GTF2F1: variants seen among roughly 807,000 people sequenced by gnomAD.
The protein encoded by GTF2F1 is general transcription factor IIF subunit 1.
In GTF2F1, 39 loss-of-function variants were observed where a neutral mutation model predicts 63.5. The observed-to-expected ratio is 0.61, with a 90% CI of 0.48 to 0.80. GTF2F1 has a LOEUF of 0.80. Ranked by LOEUF, GTF2F1 falls within the 30% of genes least tolerant of loss-of-function variation. The pLI is 0.00. For missense variants in GTF2F1, 657 were observed against 718.3 expected, an observed-to-expected ratio of 0.91 and a Z score of 0.97; for synonymous variants, 287 against 285.3, an observed-to-expected ratio of 1.01 and a Z score of -0.06.
Position 6,381,487 on chromosome 19 carries a change from G to C in GTF2F1, c.899-9C>G. On this transcript the variant is annotated splice_polypyrimidine_tract_variant and intron_variant, in intron 8 of 12. Coordinates refer to ENST00000394456, the MANE Select transcript of GTF2F1 (RefSeq NM_002096.3). This position sits in a 1 kb window ranked among gnomAD's most constrained non-coding sequence, Gnocchi z 4.1. ...GCTCTGCTCATCGACACCTGGGAGG[G>C]GCAGGGTATGAGCAAGAGCAGGGAA... 6.2e-7 allele frequency: 1 copy of C among 1,607,848 alleles called. No homozygotes were observed. The highest frequency in any genetic ancestry group is 8.5e-7 in the Non-Finnish European group (1 of 1,179,336).
At chr19:6,385,389 CTG>C (rs1291985590) in intron 5 of GTF2F1, among the ~76,000 whole-genome samples, 4 of 92,664 alleles carry the variant, frequency 4.3e-5, no homozygotes, top group Admixed American at 1.5e-4. Flanking sequence ...GACAGTGAGA[CTG>C]TCTCAAAAAA....
At chr19:6,389,379 G>A (rs2091987109) in intron 4 of GTF2F1, 65 bp downstream of exon 4, 7 of 1,465,050 alleles carry the variant, frequency 4.8e-6, no homozygotes, top group African/African-American at 1.4e-5. Context: ...CACAAAGTAT[G>A]TAAGTTGAGG....
At chr19:6,387,969 A>C (rs1042131285) in intron 4 of GTF2F1, among the ~76,000 whole-genome samples, 2 of 149,388 alleles carry the variant, frequency 1.3e-5, no homozygotes, top group Non-Finnish European at 3.0e-5. Context: ...TCGCTCTGGC[A>C]CCCAGGCTGG....
In GTF2F1 at chr19:6,380,524, T is replaced by A. The variant is rs45483994; in HGVS notation, c.1350-39A>T. The A allele has an allele frequency of 6.2e-6, 10 of 1,612,150 alleles. No individual in the cohort carries two copies. The highest frequency in any genetic ancestry group is 7.6e-6 in the Non-Finnish European group (9 of 1,178,406). On this transcript the variant is annotated intron_variant, in intron 12 of 12. Transcript: ENST00000394456. This position sits in a 1 kb window ranked among gnomAD's most constrained non-coding sequence, Gnocchi z 5.3. ...GACGGGGAAGGTGGCATCAGTGAGATTGTCCCCAGTAGCCCTTGCCCTGCC... is the reference window on the plus strand; with the variant it reads ...GACGGGGAAGGTGGCATCAGTGAGAATGTCCCCAGTAGCCCTTGCCCTGCC...
rs111229182 is a variant in GTF2F1 at position 6,384,552 on chromosome 19, T to C, written c.498-1057A>G. 8.0e-3 allele frequency among the ~76,000 whole-genome samples: 1,213 copies of C among 151,008 alleles called. 9 individuals carry two copies. Among genetic ancestry groups the C allele is most frequent in the African/African-American group, 0.028 (1,170 of 41,098 alleles). On this transcript the variant is annotated intron_variant, in intron 5 of 12. Coordinates refer to ENST00000394456, the MANE Select transcript of GTF2F1 (RefSeq NM_002096.3). Reference sequence around the variant, plus strand: ...GCATTTAATAGGAATGCATCTAACATGGGCAAGGCCCAGGCTGGTGTGAAA... The same window carrying C: ...GCATTTAATAGGAATGCATCTAACACGGGCAAGGCCCAGGCTGGTGTGAAA...
Position 6,380,943 on chromosome 19 carries a change from A to G in GTF2F1, c.1192T>C (p.Ser398Pro). The G allele has an allele frequency of 6.3e-7, 1 of 1,587,386 alleles. No homozygotes were observed. Among genetic ancestry groups the G allele is most frequent in the East Asian group, 2.3e-5 (1 of 43,932 alleles). ...GTPSAEGGST[S>P]STLRAAASKL... Reference sequence around the variant, plus strand: ...CTGGCAGCCGCCCGCAGGGTGGAGGAGGTGCTGCCACCCTCTGCGCTGGGC... The same window carrying G: ...CTGGCAGCCGCCCGCAGGGTGGAGGGGGTGCTGCCACCCTCTGCGCTGGGC... The change falls in exon 11 of 13, where the codon TCC (serine) becomes CCC (proline). Residue 398 changes from serine to proline, a missense_variant. Coordinates refer to ENST00000394456, the MANE Select transcript of GTF2F1 (RefSeq NM_002096.3). The surrounding 1 kb of genome is among the most constrained non-coding windows in gnomAD (Gnocchi z 5.3).
At chr19:6,386,893 T>A (rs1429310892) in intron 5 of GTF2F1, 1 of 162,994 alleles carries the variant, frequency 6.1e-6, no homozygotes, top group Non-Finnish European at 1.3e-5. Context: ...TACGGTCTCA[T>A]CCAAAGCCAT....
At position 6,381,904 on chromosome 19, in the gene GTF2F1, G is replaced by A. The variant is rs2091953903; in HGVS notation, c.683-54C>T. On this transcript the variant is annotated intron_variant, in intron 6 of 12. Coordinates refer to ENST00000394456, the MANE Select transcript of GTF2F1 (RefSeq NM_002096.3). The surrounding 1 kb of genome is among the most constrained non-coding windows in gnomAD (Gnocchi z 4.1). ...GGGAAAGTGAGGAGGAAGGCAGTGG[G>A]TATTTATTGTGTTTTTCACATTTTG... 5 of 1,435,244 alleles carry A rather than the reference G, an allele frequency of 3.5e-6. No individual in the cohort carries two copies. Among genetic ancestry groups the A allele is most frequent in the Admixed American group, 1.8e-5 (1 of 56,176 alleles). 88.9% of individuals were successfully genotyped at this position (1,435,244 alleles called of 1,614,324 possible). A position where few individuals can be genotyped will look rare whatever the true frequency, so the allele number is the denominator to read the frequency against.
At chr19:6,382,888 C>A (rs896072318) in intron 6 of GTF2F1, among the ~76,000 whole-genome samples, 1 of 151,784 alleles carries the variant, frequency 6.6e-6, no homozygotes, top group Non-Finnish European at 1.5e-5. Flanking sequence ...CTCCTCCAGG[C>A]GGCCTCGCCT....
At chr19:6,392,941 G>C (rs899172811) in intron 1 of GTF2F1, 38 bp from the exon 2 acceptor site, 2 of 1,614,100 alleles carry the variant, frequency 1.2e-6, no homozygotes, top group Non-Finnish European at 1.7e-6. Flanking sequence ...GGGTCGCCGA[G>C]GTCGCCGTCG....
chr19:6,393,112 C>T lies in GTF2F1; in HGVS notation c.-117G>A. On this transcript the variant is annotated 5_prime_UTR_variant, in exon 1 of 13. Coordinates refer to ENST00000394456, the MANE Select transcript of GTF2F1 (RefSeq NM_002096.3). ...TCGGTGTCGGGTCTCTGTGCCTGAG[C>T]GAGGACCCCAACCCTAGGCGCCTCT... 1 of 1,363,878 alleles carries T rather than the reference C, an allele frequency of 7.3e-7. No individual in the cohort carries two copies. The highest frequency in any genetic ancestry group is 1.0e-6 in the Non-Finnish European group (1 of 962,936). 84.5% of individuals were successfully genotyped at this position (1,363,878 alleles called of 1,614,324 possible).
rs778100756 is a variant in GTF2F1 at position 6,381,432 on chromosome 19, CT to C, written c.944del (p.Lys315SerfsTer100). On this transcript the variant is annotated frameshift_variant, in exon 9 of 13. Coordinates refer to ENST00000394456, the MANE Select transcript of GTF2F1 (RefSeq NM_002096.3). LOFTEE classifies it high-confidence loss of function. The surrounding 1 kb of genome is among the most constrained non-coding windows in gnomAD (Gnocchi z 4.1). ...SDSSEESEEE[K>X]PPEEDKEEEE... The stretch of plus-strand genomic sequence containing the variant: ...CCTCCTCCTTGTCCTCCTCAGGCGG[CT>C]TCTCCTCCTCACTCTCCTCACTACT... 1.2e-6 allele frequency: 2 copies of C among 1,610,204 alleles called. No individual in the cohort carries two copies. The highest frequency in any genetic ancestry group is 1.7e-6 in the Non-Finnish European group (2 of 1,179,800).
rs1352679133 is a variant in GTF2F1 at position 6,381,945 on chromosome 19, CT to C, written c.683-96del. The C allele has an allele frequency of 1.9e-6, 2 of 1,051,624 alleles. No individual in the cohort carries two copies. Among genetic ancestry groups the C allele is most frequent in the African/African-American group, 3.2e-5 (2 of 63,046 alleles). The allele number at this position is 1,051,624 out of a possible 1,614,324, so 65.1% of individuals were successfully genotyped here. On this transcript the variant is annotated intron_variant, in intron 6 of 12. Transcript: ENST00000394456. The surrounding 1 kb of genome is among the most constrained non-coding windows in gnomAD (Gnocchi z 4.1). Reference sequence around the variant, plus strand: ...TCACATTTTGTGCAGTTTTGACATCCTGGGGGGCCTCACTGACTGGGGAGAC... The same window carrying C: ...TCACATTTTGTGCAGTTTTGACATCCGGGGGGCCTCACTGACTGGGGAGAC...
At position 6,381,080 on chromosome 19, in the gene GTF2F1, A is replaced by AACAG. The variant is rs760443858; in HGVS notation, c.1092+38_1093-39dup. On this transcript the variant is annotated intron_variant, in intron 10 of 12. Transcript: ENST00000394456. This position sits in a 1 kb window ranked among gnomAD's most constrained non-coding sequence, Gnocchi z 4.1. Reference sequence around the variant, plus strand: ...GGGTTGGGAGGTGGGTGAGTCTGCAAACAGACGCCCAGGCCTCCCCCGCCA... The same window carrying AACAG: ...GGGTTGGGAGGTGGGTGAGTCTGCAAACAGACAGACGCCCAGGCCTCCCCCGCCA... 4 of 1,608,050 alleles carry AACAG rather than the reference A, an allele frequency of 2.5e-6. No homozygotes were observed. Among genetic ancestry groups the AACAG allele is most frequent in the Non-Finnish European group, 2.5e-6 (3 of 1,177,354 alleles).
At chr19:6,391,439 G>GTTTTTTTTTTTTTTTTTTT (rs11340944) in intron 3 of GTF2F1, among the ~76,000 whole-genome samples, 2 of 87,450 alleles carry the variant, frequency 2.3e-5, no homozygotes, top group African/African-American at 6.6e-5. Flanking sequence ...TGCCATTTCC[G>GTTTTTTTTTTTTTTTTTTT]TTTTTTTTTT....
chr19:6,393,030 C>T lies in GTF2F1; in HGVS notation c.-35G>A, dbSNP rs755344290. 1.5e-5 allele frequency: 24 copies of T among 1,612,898 alleles called. No individual in the cohort carries two copies. Among genetic ancestry groups the T allele is most frequent in the Admixed American group, 1.3e-4 (8 of 59,980 alleles). On this transcript the variant is annotated 5_prime_UTR_variant, in exon 1 of 13. Transcript: ENST00000394456. ...TCAGTGGTTCCGATCTGGTCCGACC[C>T]GGGTTCCTTTCGTCTCCTCTGGCGT...
intron 6 of GTF2F1, among the ~76,000 whole-genome samples, chr19:6,382,783 G>C (rs1219027529): frequency 1.4e-5 from 2 of 140,488 alleles, no homozygotes; most frequent in South Asian, 2.3e-4. Context: ...ATGTGAGAGA[G>C]AGAGAGATCC....
Position 6,389,580 on chromosome 19 carries a change from C to T in GTF2F1, c.190G>A (p.Glu64Lys), listed in dbSNP as rs746920397. 14 of 1,614,032 alleles carry T rather than the reference C, an allele frequency of 8.7e-6. No homozygotes were observed. Among genetic ancestry groups the T allele is most frequent in the African/African-American group, 4.0e-5 (3 of 74,942 alleles). The change falls in exon 4 of 13, where the codon GAA becomes AAA. Residue 64 changes from glutamate (E) to lysine (K), a missense_variant. Glu to Lys is a moderately conservative substitution (Grantham distance 56). Transcript: ENST00000394456. Reference protein sequence around the residue: ...KKIYQEEEMPESGAGSEFNRK... With the variant: ...KKIYQEEEMPKSGAGSEFNRK... The stretch of plus-strand genomic sequence containing the variant: ...TTGAACTCACTGCCCGCGCCCGATT[C>T]GGGCATCTCCTCCTCTTGGTAGATT...
intron 5 of GTF2F1, among the ~76,000 whole-genome samples, chr19:6,386,599 A>G (rs2091974952): frequency 6.6e-6 from 1 of 151,880 alleles, no homozygotes. Context: ...GCCCGCCACC[A>G]TGCCCGGCTA....
Sources: allele counts gnomAD v4.1 joint callset (sites outside exome capture counted in the v4.1 genomes callset), GRCh38; gene constraint gnomAD v4.1.1; non-coding constraint Gnocchi (gnomAD v3.1); transcripts MANE v1.5; gene names NCBI Gene and HGNC (gene_info 2026-07-23, HGNC 2026-07-21).